Variants in STK17A observed in about 807,000 individuals in gnomAD.
STK17A encodes the protein serine/threonine kinase 17a, also known as serine/threonine-protein kinase 17A.
A neutral mutation model predicts 43.7 loss-of-function variants in STK17A; 26 were observed. The ratio of observed to expected loss-of-function variants is 0.60; its 90% confidence interval spans 0.44 to 0.83. STK17A has a LOEUF of 0.83. Ranked by LOEUF, STK17A falls within the 40% of genes least tolerant of loss-of-function variation. The probability of loss-of-function intolerance (pLI) is 0.00; values close to 1 mark genes in which losing one functional copy is unlikely to be tolerated. For missense variants in STK17A, 476 were observed against 511.6 expected, an observed-to-expected ratio of 0.93 and a Z score of 0.67; for synonymous variants, 191 against 182.5, an observed-to-expected ratio of 1.05 and a Z score of -0.38.
chr7:43,602,342 T>A (rs2082561397), intron 2 of STK17A, among the ~76,000 whole-genome samples: 2 of 152,204 alleles, frequency 1.3e-5, no homozygotes, highest in Non-Finnish European at 2.9e-5. Flanking sequence ...CTGCTATACT[T>A]GTTAAAAGAA....
chr7:43,592,460 A>T (rs879630677), intron 1 of STK17A, among the ~76,000 whole-genome samples: 2,868 of 148,574 alleles, frequency 0.019, 57 homozygotes, highest in Non-Finnish European at 0.032. Flanking sequence ...GGAGGACATG[A>T]AAATTATATT....
Position 43,619,650 on chromosome 7 carries a change from T to C in STK17A, c.618T>C (p.Val206=), listed in dbSNP as rs1321930766. 6.2e-7 allele frequency: 1 copy of C among 1,614,038 alleles called. No individual in the cohort carries two copies. Among genetic ancestry groups the C allele is most frequent in the East Asian group, 2.2e-5 (1 of 44,888 alleles). ...CTCCATTGGGTGACATTAAGATTGTTGATTTTGGCCTTTCAAGAATATTGA... is the reference window on the plus strand; with the variant it reads ...CTCCATTGGGTGACATTAAGATTGTCGATTTTGGCCTTTCAAGAATATTGA... The part of the protein sequence containing the change: ...SESPLGDIKI[V]DFGLSRILKN... The change falls in exon 4 of 7, where the codon GTT becomes GTC. Residue 206 remains valine (V), a synonymous_variant. Coordinates refer to ENST00000319357, the MANE Select transcript of STK17A (RefSeq NM_004760.3).
chr7:43,589,128 T>C (rs1031644428), intron 1 of STK17A, among the ~76,000 whole-genome samples: 5 of 151,566 alleles, frequency 3.3e-5, no homozygotes, highest in African/African-American at 4.8e-5. Context: ...GTCCAGTATA[T>C]TAAATGTCAT....
At chr7:43,608,513 G>C in intron 3 of STK17A, 113 bp downstream of exon 3, 1 of 1,309,874 alleles carries the variant, frequency 7.6e-7, no homozygotes, top group Non-Finnish European at 1.0e-6. Context: ...TAGGTAACAA[G>C]GATATTAGAA....
intron 4 of STK17A, 149 bp from the exon 5 acceptor site, chr7:43,623,423 T>G: frequency 1.5e-6 from 1 of 649,324 alleles, no homozygotes; most frequent in South Asian, 1.8e-5. Flanking sequence ...GGCTTTATAT[T>G]AATTCATATT....
intron 3 of STK17A, among the ~76,000 whole-genome samples, chr7:43,610,061 C>A (rs1299543498): frequency 5.9e-5 from 9 of 152,202 alleles, no homozygotes; most frequent in Admixed American, 3.9e-4. Context: ...TGCTATATGG[C>A]CAGGGCCGGG....
At chr7:43,586,976 T>C (rs2082444410) in intron 1 of STK17A, among the ~76,000 whole-genome samples, 2 of 151,214 alleles carry the variant, frequency 1.3e-5, no homozygotes, top group South Asian at 2.1e-4. Context: ...ATTTTTCAGA[T>C]GAGAAAACAA....
chr7:43,613,777 G>C (rs567547176), intron 3 of STK17A, among the ~76,000 whole-genome samples: 1 of 152,166 alleles, frequency 6.6e-6, no homozygotes, highest in Non-Finnish European at 1.5e-5. Context: ...TCAGGAGTTC[G>C]AGGCTGCAGT....
chr7:43,590,734 G>A (rs960220204), intron 1 of STK17A, among the ~76,000 whole-genome samples: 2 of 151,378 alleles, frequency 1.3e-5, no homozygotes, highest in African/African-American at 4.8e-5. Flanking sequence ...CCCCAAGAGA[G>A]CTGTATATAA....
Position 43,623,859 on chromosome 7 carries a change from C to T in STK17A, c.891C>T (p.Phe297=), listed in dbSNP as rs2084190859. 1 of 1,581,092 alleles carries T rather than the reference C, an allele frequency of 6.3e-7. No homozygotes were observed. The highest frequency in any genetic ancestry group is 2.3e-5 in the East Asian group (1 of 43,882). Reference sequence around the variant, plus strand: ...TTTTGTCTGAGTCGGCTGTTGATTTCATCAGGACACTTTTAGTTAAGAAAC... The same window carrying T: ...TTTTGTCTGAGTCGGCTGTTGATTTTATCAGGACACTTTTAGTTAAGAAAC... ...FDVLSESAVD[F]IRTLLVKKPE... The change falls in exon 6 of 7, where the codon TTC becomes TTT. Residue 297 remains phenylalanine, a synonymous_variant. Transcript: ENST00000319357.
chr7:43,608,814 A>G (rs1364140151), intron 3 of STK17A: 1 of 154,590 alleles, frequency 6.5e-6, no homozygotes, highest in African/African-American at 2.4e-5. Flanking sequence ...AAGCTGGGGA[A>G]AGGCTGGATT....
chr7:43,621,061 G>A (rs531793646), intron 4 of STK17A, among the ~76,000 whole-genome samples: 1 of 152,294 alleles, frequency 6.6e-6, no homozygotes, highest in South Asian at 2.1e-4. Flanking sequence ...CAAGAAAAGA[G>A]CTATCCGGAG....
At chr7:43,593,709 CAAT>C (rs1359327962) in intron 1 of STK17A, among the ~76,000 whole-genome samples, 2 of 147,158 alleles carry the variant, frequency 1.4e-5, no homozygotes, top group East Asian at 2.0e-4. Context: ...AAAAAAAAAA[CAAT>C]GAGGTTGTTT....
At chr7:43,614,485 C>T (rs547570457) in intron 3 of STK17A, among the ~76,000 whole-genome samples, 9 of 152,250 alleles carry the variant, frequency 5.9e-5, no homozygotes, top group East Asian at 1.9e-4. Context: ...ACATGTATTT[C>T]GGCTTATTGG....
intron 1 of STK17A, among the ~76,000 whole-genome samples, chr7:43,585,711 T>C (rs2082434091): frequency 6.6e-6 from 1 of 151,566 alleles, no homozygotes; most frequent in African/African-American, 2.4e-5. Flanking sequence ...CTTGAGTGCA[T>C]TACCTAACCG....
At chr7:43,610,072 C>T (rs552557189) in intron 3 of STK17A, among the ~76,000 whole-genome samples, 133 of 152,272 alleles carry the variant, frequency 8.7e-4, no homozygotes, top group African/African-American at 3.1e-3. Context: ...CAGGGCCGGG[C>T]GCGGTGGCTC....
chr7:43,622,542 T>G (rs893491446), intron 4 of STK17A: 2 of 150,896 alleles, frequency 1.3e-5, no homozygotes, highest in Non-Finnish European at 3.0e-5. Flanking sequence ...TCCTTATTTG[T>G]ATAGTTTTGA....
intron 1 of STK17A, among the ~76,000 whole-genome samples, chr7:43,584,830 G>A (rs940978248): frequency 4.6e-5 from 7 of 152,186 alleles, no homozygotes; most frequent in Admixed American, 3.3e-4. Context: ...AAAGATGAAG[G>A]GAGCTGTGAC....
intron 1 of STK17A, among the ~76,000 whole-genome samples, chr7:43,593,766 C>T (rs754997268): frequency 1.3e-5 from 2 of 149,174 alleles, no homozygotes; most frequent in Non-Finnish European, 3.0e-5. Flanking sequence ...TGGATATCAT[C>T]CCTTTGTTGG....
Sources: allele counts gnomAD v4.1 joint callset (sites outside exome capture counted in the v4.1 genomes callset), GRCh38; gene constraint gnomAD v4.1.1; transcripts MANE v1.5; gene names NCBI Gene and HGNC (gene_info 2026-07-23, HGNC 2026-07-21).